AFF3: variants seen among roughly 807,000 people sequenced by gnomAD.
AFF3 encodes AF4/FMR2 family member 3.
Under a neutral mutation model 129.7 loss-of-function variants are expected in AFF3, and 32 were observed. That is an observed-to-expected ratio of 0.25 (90% CI 0.19 to 0.33). The LOEUF (loss-of-function observed/expected upper bound fraction) is 0.33. Ranked by LOEUF, AFF3 falls within the 10% of genes least tolerant of loss-of-function variation. The probability of loss-of-function intolerance (pLI) is 1.00; values close to 1 mark genes in which losing one functional copy is unlikely to be tolerated. For synonymous variants in AFF3, 644 were observed against 635.4 expected, an observed-to-expected ratio of 1.01 and a Z score of -0.20; for missense variants, 1,373 against 1,592.0, an observed-to-expected ratio of 0.86 and a Z score of 2.34.
At position 100,131,492 on chromosome 2, in the gene AFF3, C is replaced by A. The variant is rs540500690; in HGVS notation, c.-227-2186G>T. ...TATTTTTTTTAGAGGCAGAGTCTTGCTCTGTTGCCCAGGCTGGAGTGCAGT... is the reference window on the plus strand; with the variant it reads ...TATTTTTTTTAGAGGCAGAGTCTTGATCTGTTGCCCAGGCTGGAGTGCAGT... On this transcript the variant is annotated intron_variant, in intron 1 of 24. Transcript: ENST00000672756. 5.9e-4 allele frequency among the ~76,000 whole-genome samples: 90 copies of A among 152,194 alleles called. 1 individual carries two copies. In the South Asian group the frequency reaches 0.017, roughly 28 times the overall value.
intron 13 of AFF3, among the ~76,000 whole-genome samples, chr2:99,635,165 T>C (rs899340772): frequency 5.9e-5 from 9 of 151,766 alleles, no homozygotes; most frequent in African/African-American, 1.9e-4. Flanking sequence ...ATATGATATA[T>C]ACACATATCT....
intron 4 of AFF3, among the ~76,000 whole-genome samples, chr2:100,030,557 T>G (rs1684411683): frequency 6.6e-6 from 1 of 152,220 alleles, no homozygotes; most frequent in East Asian, 1.9e-4. Context: ...TATAAAAATC[T>G]ACATGCAAAT....
intron 7 of AFF3, among the ~76,000 whole-genome samples, chr2:99,854,919 G>C (rs150152385): frequency 6.6e-5 from 10 of 152,284 alleles, no homozygotes; most frequent in Admixed American, 3.3e-4. Context: ...TTTTAAAAAT[G>C]GTTCTAGAAC....
At chr2:99,762,612 T>C (rs1031188991) in intron 8 of AFF3, among the ~76,000 whole-genome samples, 10 of 152,220 alleles carry the variant, frequency 6.6e-5, no homozygotes, top group African/African-American at 9.7e-5. Context: ...AGGAATTAAT[T>C]GAACTTCTCT....
chr2:99,561,490 C>T (rs769447095), intron 20 of AFF3, among the ~76,000 whole-genome samples: 1 of 152,136 alleles, frequency 6.6e-6, no homozygotes, highest in Admixed American at 6.5e-5. Flanking sequence ...GATACCTTTA[C>T]CTTCCCCACT....
At chr2:99,686,059 G>A (rs554559702) in intron 11 of AFF3, among the ~76,000 whole-genome samples, 1 of 152,176 alleles carries the variant, frequency 6.6e-6, no homozygotes, top group Admixed American at 6.5e-5. Flanking sequence ...GCTTGGTGGT[G>A]GGTGCCTGTG....
chr2:99,709,102 G>C (rs1210363177), intron 11 of AFF3, among the ~76,000 whole-genome samples: 1 of 152,206 alleles, frequency 6.6e-6, no homozygotes, highest in Non-Finnish European at 1.5e-5. Flanking sequence ...CTCTAGGCGG[G>C]TGCAGAGTCA....
At chr2:100,131,139 G>A (rs1420237216) in intron 1 of AFF3, among the ~76,000 whole-genome samples, 2 of 152,086 alleles carry the variant, frequency 1.3e-5, no homozygotes, top group Admixed American at 6.5e-5. Context: ...TTACACCTGG[G>A]GACAAAGTTT....
In AFF3 at chr2:99,601,264, A is replaced by AG. The variant is rs567980611; in HGVS notation, c.1371+170dup. Among the ~76,000 whole-genome samples the AG allele has an allele frequency of 2.2e-3, 337 of 152,290 alleles. 1 individual carries two copies. Among genetic ancestry groups the AG allele is most frequent in the African/African-American group, 7.8e-3 (323 of 41,544 alleles). On this transcript the variant is annotated intron_variant, in intron 14 of 24. Transcript: ENST00000672756. Reference sequence around the variant, plus strand: ...CCTGTGAAATTAGGAGACTGTGAGGAGGGGGAAAATGTGGAGCCCGAAGCC... The same window carrying AG: ...CCTGTGAAATTAGGAGACTGTGAGGAGGGGGGAAAATGTGGAGCCCGAAGCC...
chr2:99,679,875 A>G (rs1674363253), intron 11 of AFF3, among the ~76,000 whole-genome samples: 1 of 152,220 alleles, frequency 6.6e-6, no homozygotes, highest in Non-Finnish European at 1.5e-5. Context: ...TGCCTTTACC[A>G]ATGGGTAGAA....
chr2:99,866,579 C>T (rs1691417592), intron 7 of AFF3, among the ~76,000 whole-genome samples: 1 of 152,112 alleles, frequency 6.6e-6, no homozygotes, highest in African/African-American at 2.4e-5. Context: ...GTCTTTGTGT[C>T]ACCAGCCTCC....
chr2:99,901,592 C>A (rs1694346177), intron 7 of AFF3, among the ~76,000 whole-genome samples: 1 of 152,178 alleles, frequency 6.6e-6, no homozygotes, highest in South Asian at 2.1e-4. Flanking sequence ...TGGGGCTTAG[C>A]CTCTCCTCCC....
intron 13 of AFF3, among the ~76,000 whole-genome samples, chr2:99,601,986 T>C (rs1679881539): frequency 6.6e-6 from 1 of 152,176 alleles, no homozygotes; most frequent in Non-Finnish European, 1.5e-5. Context: ...TCTACAAAAA[T>C]GCAAGGAAAT....
chr2:99,668,998 T>C (rs1471276888), intron 12 of AFF3, among the ~76,000 whole-genome samples: 2 of 152,092 alleles, frequency 1.3e-5, no homozygotes, highest in Non-Finnish European at 2.9e-5. Flanking sequence ...CCAACTAATA[T>C]CCCTCATGAA....
intron 7 of AFF3, among the ~76,000 whole-genome samples, chr2:99,942,484 A>C (rs1675141901): frequency 7.0e-6 from 1 of 142,948 alleles, no homozygotes; most frequent in Non-Finnish European, 1.5e-5. Flanking sequence ...CATGGTGACC[A>C]GAAAAGGCCT....
chr2:99,888,519 T>A (rs181292074), intron 7 of AFF3, among the ~76,000 whole-genome samples: 1 of 152,360 alleles, frequency 6.6e-6, no homozygotes, highest in East Asian at 1.9e-4. Context: ...TTTCCTTTAT[T>A]TCTCCCTATT....
chr2:100,123,655 A>G (rs1186559530), intron 2 of AFF3, among the ~76,000 whole-genome samples: 1 of 152,150 alleles, frequency 6.6e-6, no homozygotes, highest in Non-Finnish European at 1.5e-5. Flanking sequence ...ACTCTTAGAA[A>G]TCTCCAGGAG....
At chr2:100,013,380 C>T (rs1178490003) in intron 4 of AFF3, among the ~76,000 whole-genome samples, 1 of 152,196 alleles carries the variant, frequency 6.6e-6, no homozygotes, top group African/African-American at 2.4e-5. Context: ...CTTAATTATC[C>T]TCACAATGCC....
In AFF3 at chr2:99,927,436, A is replaced by G. The variant is rs117975945; in HGVS notation, c.873+79196T>C. Among the ~76,000 whole-genome samples, 33 of 152,288 alleles carry G rather than the reference A, an allele frequency of 2.2e-4. 1 individual carries two copies. The East Asian group carries it at 6.4e-3, about 29-fold the overall frequency. ...GATCGTGCCCTGTGCAGGAACATGAACGGAGCTGGAGGCCATTATCCTAGG... is the reference window on the plus strand; with the variant it reads ...GATCGTGCCCTGTGCAGGAACATGAGCGGAGCTGGAGGCCATTATCCTAGG... On this transcript the variant is annotated intron_variant, in intron 7 of 24. Coordinates refer to ENST00000672756, the MANE Select transcript of AFF3 (RefSeq NM_001386135.1).
Sources: allele counts gnomAD v4.1 joint callset (sites outside exome capture counted in the v4.1 genomes callset), GRCh38; gene constraint gnomAD v4.1.1; transcripts MANE v1.5; gene names NCBI Gene and HGNC (gene_info 2026-07-23, HGNC 2026-07-21).